The following CSMD2 variants were observed in gnomAD, a reference collection of about 807,000 sequenced individuals.
CSMD2 encodes CUB and sushi domain-containing protein 2.
Under a neutral mutation model 398.5 loss-of-function variants are expected in CSMD2, and 130 were observed. The ratio of observed to expected loss-of-function variants is 0.33; its 90% confidence interval spans 0.28 to 0.38. The LOEUF (loss-of-function observed/expected upper bound fraction) is 0.38. Among genes scored for constraint, CSMD2 ranks in the 10% least tolerant of loss-of-function variants. CSMD2 has a pLI of 1.00. For missense variants in CSMD2, 3,829 were observed against 4,764.9 expected (o/e 0.80, Z 5.78); for synonymous variants, 1,828 against 1,908.5 (o/e 0.96, Z 1.10).
intron 1 of CSMD2, among the ~76,000 whole-genome samples, chr1:34,122,227 T>G (rs1662261290): frequency 6.6e-6 from 1 of 152,124 alleles, no homozygotes; most frequent in Non-Finnish European, 1.5e-5. Context: ...CTTCCCATGA[T>G]GCACAGGACA....
intron 46 of CSMD2, 114 bp from the exon 47 acceptor site, chr1:33,583,944 C>T: frequency 1.2e-6 from 1 of 839,880 alleles, no homozygotes. Flanking sequence ...TATTTGAGCA[C>T]ATTCAGATAA....
chr1:34,124,972 T>A (rs1183818144), intron 1 of CSMD2, among the ~76,000 whole-genome samples: 1 of 152,210 alleles, frequency 6.6e-6, no homozygotes, highest in Non-Finnish European at 1.5e-5. Flanking sequence ...TTCGATTCAG[T>A]AAACACTCAG....
intron 3 of CSMD2, among the ~76,000 whole-genome samples, chr1:33,954,866 A>C (rs969229107): frequency 2.0e-5 from 3 of 152,204 alleles, no homozygotes. Context: ...TGGGAAAATG[A>C]AAAGGTTCTG....
At chr1:33,845,961 T>C (rs1248328456) in intron 6 of CSMD2, among the ~76,000 whole-genome samples, 1 of 152,210 alleles carries the variant, frequency 6.6e-6, no homozygotes, top group African/African-American at 2.4e-5. Context: ...AGGTACACAA[T>C]ATAAGCTTGC....
intron 10 of CSMD2, among the ~76,000 whole-genome samples, chr1:33,793,471 G>A (rs961942321): frequency 3.9e-5 from 6 of 152,188 alleles, no homozygotes; most frequent in East Asian, 1.9e-4. Flanking sequence ...CCTGGCTCTC[G>A]GGGATAATGT....
Position 33,890,253 on chromosome 1 carries a change from T to C in CSMD2, c.920+27841A>G, listed in dbSNP as rs1370363004. The stretch of plus-strand genomic sequence containing the variant: ...CTTTCTTTTTTTTTTTTTTTTGAGA[T>C]GGAGTCTGGCTCTGTCACCCAGGCT... On this transcript the variant is annotated intron_variant, in intron 5 of 70. Transcript: ENST00000373381. 9.8e-5 allele frequency among the ~76,000 whole-genome samples: 13 copies of C among 133,204 alleles called. 1 individual carries two copies. In the Admixed American group the frequency reaches 1.0e-3, roughly 11 times the overall value. The allele number at this position is 133,204 out of a possible 152,430, so 87.4% of individuals were successfully genotyped here.
At chr1:33,871,817 G>A (rs367647485) in intron 5 of CSMD2, among the ~76,000 whole-genome samples, 21 of 152,072 alleles carry the variant, frequency 1.4e-4, no homozygotes, top group East Asian at 5.8e-4. Context: ...GGGTTTCACC[G>A]TGTTTGCCAG....
intron 21 of CSMD2, among the ~76,000 whole-genome samples, chr1:33,712,713 T>C (rs1157616824): frequency 6.6e-6 from 1 of 152,152 alleles, no homozygotes; most frequent in Admixed American, 6.5e-5. Context: ...AAGGAGAATT[T>C]CCCCCAGAAC....
intron 57 of CSMD2, 100 bp downstream of exon 57, chr1:33,545,937 G>GT (rs1177941686): frequency 5.0e-6 from 6 of 1,204,710 alleles, no homozygotes; most frequent in East Asian, 4.8e-5. Context: ...TGGGGCCACG[G>GT]TTTTTTTCTG....
At chr1:33,985,565 G>A (rs148168515) in intron 3 of CSMD2, among the ~76,000 whole-genome samples, 1 of 152,346 alleles carries the variant, frequency 6.6e-6, no homozygotes, top group East Asian at 1.9e-4. Flanking sequence ...ACGTACCCGA[G>A]TGTGAATCCT....
intron 2 of CSMD2, among the ~76,000 whole-genome samples, chr1:34,037,134 T>C (rs1312627021): frequency 6.9e-6 from 1 of 144,062 alleles, no homozygotes; most frequent in East Asian, 2.1e-4. Flanking sequence ...TAATAAGTTT[T>C]AAAAAATTAT....
intron 1 of CSMD2, among the ~76,000 whole-genome samples, chr1:34,153,247 C>T (rs534160960): frequency 1.3e-5 from 2 of 152,108 alleles, no homozygotes; most frequent in Non-Finnish European, 2.9e-5. Flanking sequence ...GAACTCCTGG[C>T]CTGAGGCGAT....
At chr1:34,112,713 T>G (rs1661213287) in intron 1 of CSMD2, among the ~76,000 whole-genome samples, 1 of 152,204 alleles carries the variant, frequency 6.6e-6, no homozygotes, top group South Asian at 2.1e-4. Flanking sequence ...AAAATCTATA[T>G]AGGCCTCTAG....
At chr1:33,923,393 T>C (rs890105311) in intron 4 of CSMD2, among the ~76,000 whole-genome samples, 1 of 152,128 alleles carries the variant, frequency 6.6e-6, no homozygotes, top group Non-Finnish European at 1.5e-5. Flanking sequence ...TGCTCCCACT[T>C]CACCTTCCGC....
At chr1:34,081,716 G>A (rs1450805196) in intron 2 of CSMD2, among the ~76,000 whole-genome samples, 1 of 152,214 alleles carries the variant, frequency 6.6e-6, no homozygotes, top group Non-Finnish European at 1.5e-5. Context: ...ATGTTGCCCA[G>A]GCTGGAGTGC....
At chr1:33,872,948 T>G (rs1270173989) in intron 5 of CSMD2, among the ~76,000 whole-genome samples, 2 of 152,216 alleles carry the variant, frequency 1.3e-5, no homozygotes, top group Admixed American at 6.5e-5. Flanking sequence ...TCAAAATTGT[T>G]ACGGACCAGT....
chr1:33,740,291 A>T (rs1234965765), intron 14 of CSMD2, among the ~76,000 whole-genome samples: 1 of 71,652 alleles, frequency 1.4e-5, no homozygotes, highest in African/African-American at 1.6e-4. Context: ...CTCCGAAGCC[A>T]GGCTCTATTT....
intron 3 of CSMD2, among the ~76,000 whole-genome samples, chr1:33,972,732 T>C (rs58456376): frequency 0.052 from 7,921 of 152,236 alleles, 314 homozygotes; most frequent in East Asian, 0.19. Flanking sequence ...TCAGTGAGTC[T>C]GATTGTGGAC....
chr1:33,569,433 G>C lies in CSMD2; in HGVS notation c.8072C>G (p.Ser2691Cys). ...ATTGGCCATGCACTCACGCACCCTG[G>C]AGCCCACCAGTGTGTATCCGGAATT... is the stretch of plus-strand genomic sequence containing the variant. Reference protein sequence around the residue: ...SCNSGYTLVGSRVRECMANGL... With the variant: ...SCNSGYTLVGCRVRECMANGL... The change falls in exon 52 of 71, where the codon TCC (serine) becomes TGC (cysteine). Residue 2691 changes from serine to cysteine, a missense_variant. Coordinates refer to ENST00000373381, the MANE Select transcript of CSMD2 (RefSeq NM_001281956.2). The C allele has an allele frequency of 1.2e-6, 2 of 1,614,192 alleles. No homozygotes were observed. The highest frequency in any genetic ancestry group is 8.5e-7 in the Non-Finnish European group (1 of 1,180,028).
Sources: allele counts gnomAD v4.1 joint callset (sites outside exome capture counted in the v4.1 genomes callset), GRCh38; gene constraint gnomAD v4.1.1; transcripts MANE v1.5; gene names NCBI Gene and HGNC (gene_info 2026-07-23, HGNC 2026-07-21).